The following GRIK5 variants were observed in gnomAD, a reference collection of about 807,000 sequenced individuals.
GRIK5 encodes glutamate ionotropic receptor kainate type subunit 5.
Under a neutral mutation model 97.4 loss-of-function variants are expected in GRIK5, and 43 were observed. That is an observed-to-expected ratio of 0.44 (90% CI 0.35 to 0.57). The LOEUF (loss-of-function observed/expected upper bound fraction) is 0.57. Ranked by LOEUF, GRIK5 falls within the 20% of genes least tolerant of loss-of-function variation. The pLI is 0.01. For missense variants in GRIK5, 1,015 were observed against 1,382.0 expected (o/e 0.73, Z 4.21); for synonymous variants, 580 against 583.5 (o/e 0.99, Z 0.09).
Position 42,021,838 on chromosome 19 carries a change from C to T in GRIK5, c.1697+109G>A, listed in dbSNP as rs1220897843. 1.7e-5 allele frequency: 12 copies of T among 691,644 alleles called. No homozygotes were observed. The highest frequency in any genetic ancestry group is 5.3e-5 in the Admixed American group (2 of 37,588). 42.8% of individuals were successfully genotyped at this position (691,644 alleles called of 1,614,324 possible). On this transcript the variant is annotated intron_variant, in intron 14 of 19. Transcript: ENST00000593562. The surrounding 1 kb of genome is among the most constrained non-coding windows in gnomAD (Gnocchi z 4.2). ...AGGAGGGCACAGGGAATCCGAGGCCCCAAAGGGGAGGCCAAGGACAGTTCC... is the reference window on the plus strand; with the variant it reads ...AGGAGGGCACAGGGAATCCGAGGCCTCAAAGGGGAGGCCAAGGACAGTTCC...
intron 15 of GRIK5, among the ~76,000 whole-genome samples, chr19:42,016,461 T>G (rs1308923100): frequency 6.6e-6 from 1 of 152,068 alleles, no homozygotes; most frequent in Non-Finnish European, 1.5e-5. Context: ...ACAACAAAAA[T>G]TACTCAGTGC....
rs970874648 is a variant in GRIK5 at position 42,022,901 on chromosome 19, T to C, written c.1474-547A>G. The stretch of plus-strand genomic sequence containing the variant: ...GATAGGGCACAAGCCCCAAACAGCA[T>C]CCTGGTCAGGAGACGACACTGGTAC... On this transcript the variant is annotated intron_variant, in intron 12 of 19. Coordinates refer to ENST00000593562, the MANE Select transcript of GRIK5 (RefSeq NM_002088.5). The surrounding 1 kb of genome is among the most constrained non-coding windows in gnomAD (Gnocchi z 4.2). Among the ~76,000 whole-genome samples, 1 of 151,760 alleles carries C rather than the reference T, an allele frequency of 6.6e-6. No individual in the cohort carries two copies. The highest frequency in any genetic ancestry group is 1.5e-5 in the Non-Finnish European group (1 of 67,970).
At position 42,065,973 on chromosome 19, in the gene GRIK5, G is replaced by A. The variant is rs2076325825; in HGVS notation, c.-50-153C>T. ...AGAGCCCTGCTCTGTTTAGAAGCTG[G>A]CAATACTGAGGGCATTGCAAGAAGG... On this transcript the variant is annotated intron_variant, in intron 1 of 19. Transcript: ENST00000593562. This position sits in a 1 kb window ranked among gnomAD's most constrained non-coding sequence, Gnocchi z 5.8. Among the ~76,000 whole-genome samples the A allele has an allele frequency of 6.6e-6, 1 of 152,126 alleles. No homozygotes were observed. The highest frequency in any genetic ancestry group is 1.5e-5 in the Non-Finnish European group (1 of 68,026).
At chr19:42,014,370 C>A (rs2075601258) in intron 15 of GRIK5, among the ~76,000 whole-genome samples, 1 of 151,668 alleles carries the variant, frequency 6.6e-6, no homozygotes, top group Non-Finnish European at 1.5e-5. Flanking sequence ...CCACTGCACT[C>A]CAGCCTAGGC....
In GRIK5 at chr19:42,042,808, T is replaced by C. The variant is rs988991699; in HGVS notation, c.1270-53A>G. 1.7e-5 allele frequency: 24 copies of C among 1,454,132 alleles called. No homozygotes were observed. The highest frequency in any genetic ancestry group is 4.8e-5 in the South Asian group (4 of 83,944). 90.1% of individuals were successfully genotyped at this position (1,454,132 alleles called of 1,614,324 possible). On this transcript the variant is annotated intron_variant, in intron 11 of 19. Coordinates refer to ENST00000593562, the MANE Select transcript of GRIK5 (RefSeq NM_002088.5). This position sits in a 1 kb window ranked among gnomAD's most constrained non-coding sequence, Gnocchi z 6.9. ...AGAGGCTGGGTGTCTAGTGGCTGGG[T>C]TGCGGATCCTGGAGCCCGGACCAGG...
In GRIK5 at chr19:42,055,266, T is replaced by C. The variant is rs867685109; in HGVS notation, c.904-794A>G. Among the ~76,000 whole-genome samples, 12 of 152,256 alleles carry C rather than the reference T, an allele frequency of 7.9e-5. No homozygotes were observed. The Middle Eastern group carries it at 0.017, about 216-fold the overall frequency. ...TCTGAGTATCTGTGTTGTGTAGATG[T>C]GCACAGGGGTACACACAAATGTGCC... On this transcript the variant is annotated intron_variant, in intron 8 of 19. Transcript: ENST00000593562.
intron 9 of GRIK5, 54 bp from the exon 10 acceptor site, chr19:42,053,983 C>G (rs903007005): frequency 2.5e-6 from 3 of 1,219,852 alleles, no homozygotes; most frequent in Non-Finnish European, 3.6e-6. Flanking sequence ...CAGAGATGGG[C>G]AGGGAAGGCC....
Position 42,053,905 on chromosome 19 carries a change from G to C in GRIK5, c.1081C>G (p.Arg361Gly). ...RMVEYDGLTG[R>G]VEFNSKGQRT... is the part of the protein sequence containing the mutation. ...TGCCCTTTGCTGTTGAACTCGACCC[G>C]CCCGGTCAGCCCATCATACTCTACC... The change falls in exon 10 of 20, where the codon CGG (arginine) becomes GGG (glycine). Residue 361 changes from arginine to glycine, a missense_variant. Physicochemically the swap from Arg to Gly is moderately radical, Grantham distance 125 (BLOSUM62 -2). Transcript: ENST00000593562. The C allele has an allele frequency of 6.2e-7, 1 of 1,613,424 alleles. No individual in the cohort carries two copies. The highest frequency in any genetic ancestry group is 8.5e-7 in the Non-Finnish European group (1 of 1,179,446).
At chr19:42,040,893 A>AAAT (rs1352105063) in intron 12 of GRIK5, among the ~76,000 whole-genome samples, 3 of 151,612 alleles carry the variant, frequency 2.0e-5, no homozygotes, top group South Asian at 2.1e-4. Context: ...TAAATAAATA[A>AAAT]AATAATAATA....
chr19:42,020,541 C>T (rs992812523), intron 15 of GRIK5, among the ~76,000 whole-genome samples: 2 of 152,168 alleles, frequency 1.3e-5, no homozygotes, highest in Non-Finnish European at 2.9e-5. Flanking sequence ...GCTGCATTCC[C>T]AGACGTTTAA....
At chr19:42,068,945 C>T in intron 1 of GRIK5, 2 of 631,054 alleles carry the variant, frequency 3.2e-6, no homozygotes, top group Non-Finnish European at 5.7e-6. Context: ...GGGGCACGGA[C>T]ATGCCAGGGG....
At chr19:42,016,701 G>T (rs902845379) in intron 15 of GRIK5, among the ~76,000 whole-genome samples, 2 of 152,230 alleles carry the variant, frequency 1.3e-5, no homozygotes, top group Non-Finnish European at 2.9e-5. Context: ...GATGACTTCG[G>T]AAGTGTTAGT....
At chr19:42,027,792 C>T (rs913319772) in intron 12 of GRIK5, among the ~76,000 whole-genome samples, 1 of 152,126 alleles carries the variant, frequency 6.6e-6, no homozygotes, top group Non-Finnish European at 1.5e-5. Flanking sequence ...CCCCTTCCCT[C>T]CTCCTACTCA....
chr19:42,015,764 C>T (rs1169159879), intron 15 of GRIK5, among the ~76,000 whole-genome samples: 6 of 152,094 alleles, frequency 3.9e-5, no homozygotes, highest in Admixed American at 2.0e-4. Flanking sequence ...CTTGTCTTAC[C>T]GTGGCCCCCT....
chr19:42,014,143 C>T (rs1458999718), intron 15 of GRIK5, among the ~76,000 whole-genome samples: 1 of 151,988 alleles, frequency 6.6e-6, no homozygotes, highest in Non-Finnish European at 1.5e-5. Flanking sequence ...CCTGTAATCC[C>T]AGCACTTTGG....
chr19:42,036,332 G>A lies in GRIK5; in HGVS notation c.1473+6220C>T, dbSNP rs190070397. 2.3e-3 allele frequency among the ~76,000 whole-genome samples: 346 copies of A among 151,010 alleles called. 1 individual carries two copies. The highest frequency in any genetic ancestry group is 4.0e-3 in the Non-Finnish European group (272 of 67,842). On this transcript the variant is annotated intron_variant, in intron 12 of 19. Transcript: ENST00000593562. ...TCGCCTTGGCCTCCCAAAGTGCTGG[G>A]ATTACAGATGTGAGCCACTGTGCCC...
chr19:42,012,864 C>T (rs1165567345), intron 15 of GRIK5, among the ~76,000 whole-genome samples: 1 of 144,174 alleles, frequency 6.9e-6, no homozygotes, highest in Non-Finnish European at 1.5e-5. Flanking sequence ...GAGATATTGC[C>T]TCAAAAAAAA....
chr19:42,056,891 G>A, intron 7 of GRIK5, 34 bp downstream of exon 7: 1 of 1,609,836 alleles, frequency 6.2e-7, no homozygotes, highest in Non-Finnish European at 8.5e-7. Flanking sequence ...TGGGAAGGAA[G>A]TGGGGGCAGA....
intron 11 of GRIK5, among the ~76,000 whole-genome samples, chr19:42,052,850 A>T (rs1005248306): frequency 1.3e-5 from 2 of 152,220 alleles, no homozygotes; most frequent in Non-Finnish European, 2.9e-5. Context: ...AGAGGGCACC[A>T]GCTCCGAGCC....
Sources: gnomAD v4.1 joint callset for allele counts (sites outside exome capture counted in the v4.1 genomes callset) on GRCh38, gnomAD v4.1.1 for gene constraint, Gnocchi (gnomAD v3.1) non-coding constraint, MANE v1.5 for transcripts, NCBI Gene and HGNC (gene_info 2026-07-23, HGNC 2026-07-21) for gene names.